Variants in MREG observed in about 807,000 individuals in gnomAD.
The protein encoded by MREG is melanoregulin, also known as dilute suppressor protein homolog.
MREG carries 31 observed loss-of-function variants against 28.5 expected under a neutral mutation model. The observed-to-expected ratio is 1.09, with a 90% CI of 0.82 to 1.47. MREG has a LOEUF of 1.47. MREG is among the 40% of genes most tolerant of loss of function. MREG has a pLI of 0.00. For missense variants in MREG, 256 were observed against 257.4 expected (o/e 0.99, Z 0.04); for synonymous variants, 106 against 95.2 (o/e 1.11, Z -0.66).
intron 2 of MREG, among the ~76,000 whole-genome samples, chr2:215,987,540 C>T (rs1454123588): frequency 2.6e-5 from 4 of 152,066 alleles, no homozygotes; most frequent in East Asian, 1.9e-4. Context: ...CCACCATACC[C>T]GGCAACATAA....
chr2:216,028,669 C>T (rs1694634338), intron 1 of MREG, among the ~76,000 whole-genome samples: 1 of 151,700 alleles, frequency 6.6e-6, no homozygotes. Flanking sequence ...TATTTAATTC[C>T]ATTTTTTCTC....
In MREG at chr2:215,961,478, T is replaced by C. The variant is rs563250232; in HGVS notation, c.256-14365A>G. On this transcript the variant is annotated intron_variant, in intron 2 of 4. Transcript: ENST00000263268. The stretch of plus-strand genomic sequence containing the variant: ...TCTTGCTCTGTCGCCCAGGCTGGAG[T>C]GCAGTGGCGCAATGTTGGCTCACCG... Among the ~76,000 whole-genome samples, 318 of 152,192 alleles carry C rather than the reference T, an allele frequency of 2.1e-3. 3 individuals carry two copies. The highest frequency in any genetic ancestry group is 7.2e-3 in the African/African-American group (301 of 41,534).
Position 215,949,066 on chromosome 2 carries a change from C to CTAATAA in MREG, c.256-1954_256-1953insTTATTA, listed in dbSNP as rs1312722556. Among the ~76,000 whole-genome samples, 7 of 138,336 alleles carry CTAATAA rather than the reference C, an allele frequency of 5.1e-5. No individual in the cohort carries two copies. The East Asian group carries it at 1.5e-3, about 30-fold the overall frequency. 90.8% of individuals were successfully genotyped at this position (138,336 alleles called of 152,430 possible). On this transcript the variant is annotated intron_variant, in intron 2 of 4. Transcript: ENST00000263268. ...ACTACTACTACTACTACTACTACTA[C>CTAATAA]TACTACTACTACTACTACTACTAAT...
chr2:215,993,657 AATCT>A (rs1189137642), intron 2 of MREG, among the ~76,000 whole-genome samples: 3 of 152,220 alleles, frequency 2.0e-5, no homozygotes, highest in Admixed American at 6.5e-5. Context: ...AAATTTTTGC[AATCT>A]ATCTATCTGA....
At chr2:216,020,455 T>TGA (rs1694503468) in intron 1 of MREG, among the ~76,000 whole-genome samples, 1 of 152,164 alleles carries the variant, frequency 6.6e-6, no homozygotes, top group Admixed American at 6.5e-5. Context: ...CCCAGACAGT[T>TGA]GATCAACAGG....
At chr2:215,982,338 AAAAAAAAAAAG>A (rs1316563940) in intron 2 of MREG, among the ~76,000 whole-genome samples, 1 of 151,022 alleles carries the variant, frequency 6.6e-6, no homozygotes, top group Non-Finnish European at 1.5e-5. Context: ...ACTCCGTCAA[AAAAAAAAAAAG>A]AAAAGAAAAA....
chr2:215,967,034 G>A (rs1187028008), intron 2 of MREG, among the ~76,000 whole-genome samples: 3 of 152,182 alleles, frequency 2.0e-5, no homozygotes, highest in Non-Finnish European at 4.4e-5. Context: ...GATGCCAAAA[G>A]CCTCAGGCAA....
At chr2:215,950,982 G>A (rs186236815) in intron 2 of MREG, among the ~76,000 whole-genome samples, 22 of 152,100 alleles carry the variant, frequency 1.4e-4, no homozygotes, top group Non-Finnish European at 1.9e-4. Context: ...AGCATGTAGC[G>A]CTTCCCCCTT....
rs1009686995 is a variant in MREG, at chr2:215,960,198, G to A, written c.256-13085C>T. On this transcript the variant is annotated intron_variant, in intron 2 of 4. Transcript: ENST00000263268. ...TCTCGAACTCCTGACCTCACGATCC[G>A]CCCGCCTTGGCCTCCCAAAGTGCTG... Among the ~76,000 whole-genome samples, 8 of 152,062 alleles carry A rather than the reference G, an allele frequency of 5.3e-5. No homozygotes were observed. In the East Asian group the frequency reaches 7.8e-4, roughly 15 times the overall value.
rs548439694 is a variant in MREG, at chr2:215,999,368, G to A, written c.96-2903C>T. On this transcript the variant is annotated intron_variant, in intron 1 of 4. Transcript: ENST00000263268. ...AGGGTGTCACAATCAACTGTCACAC[G>A]GGAGTAGGTGTAATTTTCAAGCCAT... Among the ~76,000 whole-genome samples the A allele has an allele frequency of 4.6e-5, 7 of 152,290 alleles. No individual in the cohort carries two copies. The South Asian group carries it at 1.2e-3, about 27-fold the overall frequency.
chr2:215,996,185 C>T, intron 2 of MREG, 121 bp downstream of exon 2: 1 of 1,040,132 alleles, frequency 9.6e-7, no homozygotes, highest in Non-Finnish European at 1.3e-6. Context: ...AAATACCTGC[C>T]CTTCATTTCA....
chr2:216,013,212 C>T lies in MREG; in HGVS notation c.95+21G>A, dbSNP rs371690699. 577 of 1,546,554 alleles carry T rather than the reference C, an allele frequency of 3.7e-4. 1 individual carries two copies. The African/African-American group carries it at 7.4e-3, about 20-fold the overall frequency. On this transcript the variant is annotated intron_variant, in intron 1 of 4. Transcript: ENST00000263268. ...CTACGGCCCAGGTAAGCCCAGATCC[C>T]GGCCCGGGCGGCGCACCCACCTGAC...
chr2:215,940,887 A>C (rs1204124766), downstream of MREG, among the ~76,000 whole-genome samples: 3 of 152,086 alleles, frequency 2.0e-5, no homozygotes, highest in South Asian at 4.1e-4. Context: ...AATATTTTCT[A>C]TCTCAAGGGA....
chr2:215,972,402 G>A (rs1272547385), intron 2 of MREG, among the ~76,000 whole-genome samples: 1 of 152,148 alleles, frequency 6.6e-6, no homozygotes, highest in Non-Finnish European at 1.5e-5. Flanking sequence ...CAGCACTTTG[G>A]GAGGCCGAGG....
At chr2:215,975,812 G>A (rs1474158346) in intron 2 of MREG, among the ~76,000 whole-genome samples, 7 of 152,174 alleles carry the variant, frequency 4.6e-5, no homozygotes, top group Non-Finnish European at 8.8e-5. Context: ...AGGGCCGGGC[G>A]CCGTGGCTCA....
chr2:215,947,653 T>C (rs554389540), intron 2 of MREG, among the ~76,000 whole-genome samples: 87 of 152,282 alleles, frequency 5.7e-4, no homozygotes, highest in Non-Finnish European at 1.0e-3. Context: ...CACAAAAAAA[T>C]CTATGTCTCC....
At chr2:215,991,165 T>A (rs1011327152) in intron 2 of MREG, among the ~76,000 whole-genome samples, 1 of 152,110 alleles carries the variant, frequency 6.6e-6, no homozygotes, top group African/African-American at 2.4e-5. Context: ...CCTCAGCAAA[T>A]GCAAAAGAAC....
intron 3 of MREG, 66 bp downstream of exon 3, chr2:215,946,957 G>T: frequency 1.1e-6 from 1 of 929,626 alleles, no homozygotes; most frequent in Non-Finnish European, 1.7e-6. Context: ...AACCATGGTG[G>T]AGAAATTGAA....
At chr2:215,990,175 C>T (rs1404867549) in intron 2 of MREG, among the ~76,000 whole-genome samples, 1 of 152,176 alleles carries the variant, frequency 6.6e-6, no homozygotes, top group African/African-American at 2.4e-5. Context: ...AAAGGGAAGA[C>T]CATCAGACTA....
Sources: allele counts gnomAD v4.1 joint callset (sites outside exome capture counted in the v4.1 genomes callset), GRCh38; gene constraint gnomAD v4.1.1; transcripts MANE v1.5; gene names NCBI Gene and HGNC (gene_info 2026-07-23, HGNC 2026-07-21).